The following B3GALT1 variants were observed in gnomAD, a reference collection of about 807,000 sequenced individuals.
B3GALT1 encodes the protein beta-1,3-galactosyltransferase 1.
In B3GALT1, 10 loss-of-function variants were observed where a neutral mutation model predicts 23.2. That is an observed-to-expected ratio of 0.43 (90% CI 0.27 to 0.73). B3GALT1 has a LOEUF of 0.73. Among genes scored for constraint, B3GALT1 ranks in the 30% least tolerant of loss-of-function variants. The pLI, the probability that B3GALT1 is intolerant of heterozygous loss-of-function variation, is 0.21. For missense variants in B3GALT1, 299 were observed against 405.4 expected, an observed-to-expected ratio of 0.74 and a Z score of 2.25; for synonymous variants, 156 against 141.5, an observed-to-expected ratio of 1.10 and a Z score of -0.73.
intron 3 of B3GALT1, among the ~76,000 whole-genome samples, chr2:167,749,047 G>A (rs932150103): frequency 1.4e-4 from 22 of 152,172 alleles, no homozygotes; most frequent in Admixed American, 1.3e-3. Context: ...GCATAGCTAA[G>A]ATGCATGTAT....
chr2:167,867,059 TG>T (rs1690236005), intron 4 of B3GALT1, among the ~76,000 whole-genome samples: 1 of 151,578 alleles, frequency 6.6e-6, no homozygotes, highest in Non-Finnish European at 1.5e-5. Context: ...CCCGAGTAGC[TG>T]GGACTACAGG....
intron 4 of B3GALT1, among the ~76,000 whole-genome samples, chr2:167,833,728 G>A (rs1689397735): frequency 6.6e-6 from 1 of 152,104 alleles, no homozygotes; most frequent in South Asian, 2.1e-4. Context: ...AATAAAACTG[G>A]AGGATACGTG....
At chr2:167,617,141 T>C (rs992134988) in intron 2 of B3GALT1, among the ~76,000 whole-genome samples, 1 of 152,086 alleles carries the variant, frequency 6.6e-6, no homozygotes, top group African/African-American at 2.4e-5. Flanking sequence ...ATATGTTGTT[T>C]TTTTCTCCTT....
intron 1 of B3GALT1, among the ~76,000 whole-genome samples, chr2:167,326,503 T>G (rs1028853413): frequency 4.6e-5 from 7 of 151,422 alleles, no homozygotes; most frequent in African/African-American, 1.7e-4. Context: ...ATAAAATCCT[T>G]ACCTAGACCA....
chr2:167,425,954 G>A (rs954318900), intron 1 of B3GALT1, among the ~76,000 whole-genome samples: 1 of 152,112 alleles, frequency 6.6e-6, no homozygotes, highest in Non-Finnish European at 1.5e-5. Context: ...CTGCTTTAAA[G>A]CACCTTTTTT....
rs183349062 is a variant in B3GALT1, at chr2:167,870,827, T to G, written c.*807T>G. 6.0e-6 allele frequency: 1 copy of G among 167,142 alleles called. No individual in the cohort carries two copies. The highest frequency in any genetic ancestry group is 1.9e-4 in the East Asian group (1 of 5,188). 10.4% of individuals were successfully genotyped at this position (167,142 alleles called of 1,614,324 possible). A position where few individuals can be genotyped will look rare whatever the true frequency, so the allele number is the denominator to read the frequency against. ...CTTCCTTCCAGACAGTGTCGCTAAG[T>G]GCATTTCACAGTTTTTGGATCTGGC... On this transcript the variant is annotated 3_prime_UTR_variant, in exon 5 of 5. Coordinates refer to ENST00000392690, the MANE Select transcript of B3GALT1 (RefSeq NM_020981.4).
intron 4 of B3GALT1, among the ~76,000 whole-genome samples, chr2:167,841,424 C>T (rs1367982593): frequency 6.6e-6 from 1 of 152,128 alleles, no homozygotes; most frequent in East Asian, 1.9e-4. Flanking sequence ...GGGTTGGTGC[C>T]TTTCTGTGCC....
intron 3 of B3GALT1, among the ~76,000 whole-genome samples, chr2:167,670,047 A>G (rs567528235): frequency 1.3e-5 from 2 of 151,830 alleles, no homozygotes; most frequent in South Asian, 4.2e-4. Context: ...TCACCTGCAG[A>G]CTCCCTCCAA....
At chr2:167,591,041 G>A (rs982084135) in intron 2 of B3GALT1, among the ~76,000 whole-genome samples, 2 of 152,058 alleles carry the variant, frequency 1.3e-5, no homozygotes, top group Admixed American at 6.6e-5. Flanking sequence ...AACAAAACAG[G>A]CCAAAATCCT....
chr2:167,636,500 A>T (rs531415981), intron 2 of B3GALT1, among the ~76,000 whole-genome samples: 78 of 152,238 alleles, frequency 5.1e-4, no homozygotes, highest in African/African-American at 1.9e-3. Flanking sequence ...AACCCAAAGG[A>T]TTATAAATCA....
intron 2 of B3GALT1, among the ~76,000 whole-genome samples, chr2:167,498,515 C>G (rs1448561401): frequency 6.6e-6 from 1 of 152,088 alleles, no homozygotes; most frequent in Non-Finnish European, 1.5e-5. Context: ...ACCTAAAATT[C>G]ATTTTTTAAA....
chr2:167,548,415 A>G (rs1347737889), intron 2 of B3GALT1, among the ~76,000 whole-genome samples: 1 of 152,176 alleles, frequency 6.6e-6, no homozygotes, highest in Admixed American at 6.5e-5. Flanking sequence ...GCATCTCAGT[A>G]TGGACACATG....
chr2:167,514,357 C>T (rs568265935), intron 2 of B3GALT1, among the ~76,000 whole-genome samples: 1 of 152,238 alleles, frequency 6.6e-6, no homozygotes, highest in South Asian at 2.1e-4. Context: ...AAAATCATTG[C>T]AGTTTTCTAT....
intron 3 of B3GALT1, among the ~76,000 whole-genome samples, chr2:167,747,203 C>G (rs1459777090): frequency 6.6e-6 from 1 of 152,110 alleles, no homozygotes; most frequent in Non-Finnish European, 1.5e-5. Flanking sequence ...GTCTCCGGTA[C>G]TCTTAGAGCA....
intron 1 of B3GALT1, among the ~76,000 whole-genome samples, chr2:167,375,049 A>G (rs888899095): frequency 5.3e-5 from 8 of 152,170 alleles, no homozygotes; most frequent in Admixed American, 1.3e-4. Flanking sequence ...ATTCTACTGC[A>G]TATGGCTTGC....
chr2:167,608,326 A>G (rs947429813), intron 2 of B3GALT1, among the ~76,000 whole-genome samples: 20 of 152,192 alleles, frequency 1.3e-4, no homozygotes, highest in African/African-American at 4.3e-4. Flanking sequence ...AGTTTTTGTC[A>G]TAATACATAT....
chr2:167,841,789 T>A (rs1022314356), intron 4 of B3GALT1, among the ~76,000 whole-genome samples: 2 of 152,224 alleles, frequency 1.3e-5, no homozygotes, highest in Non-Finnish European at 2.9e-5. Flanking sequence ...ATATAGCTTT[T>A]CAGATTCTAT....
chr2:167,695,357 T>C (rs1030790516), intron 3 of B3GALT1, among the ~76,000 whole-genome samples: 1 of 152,168 alleles, frequency 6.6e-6, no homozygotes, highest in Non-Finnish European at 1.5e-5. Context: ...CAATCATTAA[T>C]CTTTGAGAAA....
At chr2:167,326,399 T>C (rs765462113) in intron 1 of B3GALT1, among the ~76,000 whole-genome samples, 6 of 152,006 alleles carry the variant, frequency 3.9e-5, no homozygotes, top group Non-Finnish European at 8.8e-5. Flanking sequence ...CTCTTTACTC[T>C]GTTGATTGTT....
Sources: gnomAD v4.1 joint callset for allele counts (sites outside exome capture counted in the v4.1 genomes callset) on GRCh38, gnomAD v4.1.1 for gene constraint, MANE v1.5 for transcripts, NCBI Gene and HGNC (gene_info 2026-07-23, HGNC 2026-07-21) for gene names.